GPHN: variants seen among roughly 807,000 people sequenced by gnomAD.
GPHN encodes the protein gephyrin.
A neutral mutation model predicts 95.5 loss-of-function variants in GPHN; 17 were observed. That is an observed-to-expected ratio of 0.18 (90% CI 0.12 to 0.27). The LOEUF is 0.27. GPHN is among the 10% of genes least tolerant of loss of function. The pLI is 1.00. For synonymous variants in GPHN, 320 were observed against 322.5 expected (o/e 0.99, Z 0.08); for missense variants, 660 against 978.1 (o/e 0.67, Z 4.34).
At chr14:67,638,129 C>G in the GPHN span, among the ~76,000 whole-genome samples, 1 of 152,198 alleles carries the variant, frequency 6.6e-6, no homozygotes, top group Non-Finnish European at 1.5e-5. Flanking sequence ...GCTAAACAAA[C>G]AAGAAATAAA....
the GPHN span, among the ~76,000 whole-genome samples, chr14:67,466,562 G>C: frequency 2.0e-5 from 3 of 152,224 alleles, no homozygotes; most frequent in African/African-American, 7.2e-5. Flanking sequence ...ACTCAGCCTG[G>C]CCTTTAGGGT....
chr14:67,534,566 G>T, the GPHN span, among the ~76,000 whole-genome samples: 2 of 152,100 alleles, frequency 1.3e-5, no homozygotes, highest in Admixed American at 6.5e-5. Flanking sequence ...AGCCATAACT[G>T]AAACCCAAGC....
At chr14:66,599,391 C>CTTTTTTTTTTTTTTTTTTTTTTT (rs1566679513) in intron 1 of GPHN, among the ~76,000 whole-genome samples, 5 of 74,036 alleles carry the variant, frequency 6.8e-5, no homozygotes, top group African/African-American at 6.4e-4. Flanking sequence ...TTTTTTTTTG[C>CTTTTTTTTTTTTTTTTTTTTTTT]ATTTTTTTTT....
At chr14:66,927,471 T>C (rs564441904) in intron 8 of GPHN, among the ~76,000 whole-genome samples, 1 of 152,198 alleles carries the variant, frequency 6.6e-6, no homozygotes, top group African/African-American at 2.4e-5. Context: ...TTCCAAATAT[T>C]GTATCATCAG....
At chr14:67,642,793 CTTTTTTTTTTT>C in the GPHN span, among the ~76,000 whole-genome samples, 4 of 75,518 alleles carry the variant, frequency 5.3e-5, no homozygotes, top group South Asian at 6.3e-4. Context: ...ACTACATTTT[CTTTTTTTTTTT>C]TTTTTTTTTT....
chr14:67,574,202 C>T, the GPHN span: 1 of 1,530,330 alleles, frequency 6.5e-7, no homozygotes, highest in Non-Finnish European at 8.8e-7. This position sits in a 1 kb window ranked among gnomAD's most constrained non-coding sequence, Gnocchi z 4.2. Context: ...ACTCCATTCT[C>T]CCAGCGTGCT....
intron 3 of GPHN, among the ~76,000 whole-genome samples, chr14:66,811,044 T>G (rs76698437): frequency 0.014 from 2,159 of 152,330 alleles, 55 homozygotes; most frequent in Admixed American, 0.057. Flanking sequence ...TGAACTACAT[T>G]TATTAATACA....
the GPHN span, among the ~76,000 whole-genome samples, chr14:67,603,812 G>T: frequency 6.6e-5 from 10 of 152,178 alleles, no homozygotes; most frequent in Non-Finnish European, 1.2e-4. Flanking sequence ...CTCCCAAGTA[G>T]CTGGGATTAC....
the GPHN span, chr14:67,336,231 A>G: frequency 1.3e-5 from 2 of 152,272 alleles, no homozygotes; most frequent in African/African-American, 4.8e-5. Context: ...TCTGCTGTAC[A>G]TCTCCCAAAG....
chr14:67,453,212 G>A, the GPHN span, among the ~76,000 whole-genome samples: 4 of 116,266 alleles, frequency 3.4e-5, no homozygotes, highest in Admixed American at 2.5e-4. Flanking sequence ...ATTATCCCCC[G>A]GGGGGTCAGC....
the GPHN span, among the ~76,000 whole-genome samples, chr14:67,261,274 G>T: frequency 6.6e-6 from 1 of 152,102 alleles, no homozygotes; most frequent in Admixed American, 6.6e-5. Flanking sequence ...GAAAAGACAG[G>T]TTGGAGAGAA....
At chr14:66,885,229 A>C (rs916301905) in intron 5 of GPHN, among the ~76,000 whole-genome samples, 1 of 152,116 alleles carries the variant, frequency 6.6e-6, no homozygotes, top group African/African-American at 2.4e-5. Flanking sequence ...GGGGAGCATA[A>C]GATGGCAGAG....
chr14:67,598,604 T>C, the GPHN span, among the ~76,000 whole-genome samples: 63,850 of 151,986 alleles, frequency 0.42, 15,466 homozygotes, highest in Non-Finnish European at 0.56. Context: ...ACCACATACA[T>C]AGGCTATAAG....
intron 9 of GPHN, among the ~76,000 whole-genome samples, chr14:66,965,962 A>G (rs1488847014): frequency 6.6e-6 from 1 of 152,136 alleles, no homozygotes; most frequent in African/African-American, 2.4e-5. Context: ...CTTTGTATAC[A>G]TGATAAATTA....
chr14:66,921,928 T>G (rs982422654), intron 6 of GPHN, among the ~76,000 whole-genome samples: 1 of 152,092 alleles, frequency 6.6e-6, no homozygotes, highest in African/African-American at 2.4e-5. Context: ...CCAACTGATC[T>G]TCGACAAAGC....
At chr14:67,583,649 TAAAG>T in the GPHN span, 1 of 922,292 alleles carries the variant, frequency 1.1e-6, no homozygotes, top group Non-Finnish European at 1.6e-6. Flanking sequence ...AATAGGGTAA[TAAAG>T]AAATGGTTTA....
At chr14:66,768,408 T>C (rs1230243687) in intron 2 of GPHN, among the ~76,000 whole-genome samples, 1 of 152,000 alleles carries the variant, frequency 6.6e-6, no homozygotes, top group East Asian at 1.9e-4. Context: ...AAAAATTCTA[T>C]TTCATACCTG....
At chr14:67,332,881 C>T in the GPHN span, 1 of 1,613,902 alleles carries the variant, frequency 6.2e-7, no homozygotes, top group South Asian at 1.1e-5. Flanking sequence ...TTGATAAAGC[C>T]TATCAGGAAT....
At chr14:66,951,775 C>T (rs1048374245) in intron 8 of GPHN, among the ~76,000 whole-genome samples, 25 of 152,084 alleles carry the variant, frequency 1.6e-4, no homozygotes, top group Non-Finnish European at 3.4e-4. Flanking sequence ...CATATGGTCA[C>T]TTATTGTATG....
Sources: gnomAD v4.1 joint callset for allele counts (sites outside exome capture counted in the v4.1 genomes callset) on GRCh38, gnomAD v4.1.1 for gene constraint, Gnocchi (gnomAD v3.1) non-coding constraint, MANE v1.5 for transcripts, NCBI Gene and HGNC (gene_info 2026-07-23, HGNC 2026-07-21) for gene names.